SNRPA1: variants seen among roughly 807,000 people sequenced by gnomAD.
The protein encoded by SNRPA1 is small nuclear ribonucleoprotein polypeptide A'.
SNRPA1 carries 5 observed loss-of-function variants against 32.3 expected under a neutral mutation model. The observed-to-expected ratio is 0.15, with a 90% confidence interval of 0.08 to 0.33. The LOEUF is 0.33. SNRPA1 is among the 10% of genes least tolerant of loss of function. The probability of loss-of-function intolerance (pLI) is 1.00; values close to 1 mark genes in which losing one functional copy is unlikely to be tolerated. For missense variants in SNRPA1, 198 were observed against 311.1 expected (o/e 0.64, Z 2.74); for synonymous variants, 111 against 120.1 (o/e 0.92, Z 0.50).
intron 2 of SNRPA1, 115 bp downstream of exon 2, chr15:101,292,910 A>T: frequency 3.6e-6 from 2 of 557,272 alleles, no homozygotes; most frequent in Non-Finnish European, 5.7e-6. Context: ...AAAAAGAAAA[A>T]GAAAAAGAAA....
At position 101,294,959 on chromosome 15, in the gene SNRPA1, G is replaced by C. The variant is rs3784521; in HGVS notation, c.82+138C>G. On this transcript the variant is annotated intron_variant, in intron 1 of 8. Coordinates refer to ENST00000254193, the MANE Select transcript of SNRPA1 (RefSeq NM_003090.4). The stretch of plus-strand genomic sequence containing the variant: ...AACAACGGCAAGAATCAGGCCCGGC[G>C]TTCCCTGCGCAGCCCGGTCGGAGCC... 3,188 of 520,240 alleles carry C rather than the reference G, an allele frequency of 6.1e-3. 197 individuals are homozygous for C. The East Asian group carries it at 0.099, about 16-fold the overall frequency. The allele number at this position is 520,240 out of a possible 1,614,324, so 32.2% of individuals were successfully genotyped here. A position where few individuals can be genotyped will look rare whatever the true frequency, so the allele number is the denominator to read the frequency against.
chr15:101,282,813 C>T (rs1269179101), intron 8 of SNRPA1, among the ~76,000 whole-genome samples: 3 of 152,160 alleles, frequency 2.0e-5, no homozygotes, highest in East Asian at 3.8e-4. Context: ...TGGCAGGTTA[C>T]GGCAGTGGAT....
chr15:101,281,669 T>G lies in SNRPA1; in HGVS notation c.*55A>C. The G allele has an allele frequency of 7.4e-7, 1 of 1,359,212 alleles. No individual in the cohort carries two copies. The highest frequency in any genetic ancestry group is 1.1e-6 in the Non-Finnish European group (1 of 947,414). 84.2% of individuals were successfully genotyped at this position (1,359,212 alleles called of 1,614,324 possible). A position where few individuals can be genotyped will look rare whatever the true frequency, so the allele number is the denominator to read the frequency against. ...CACAAACAAGGCTATTATACCATGT[T>G]CGAAAAGCAAGACTTGTTCCAAGAG... is the stretch of plus-strand genomic sequence containing the variant. On this transcript the variant is annotated 3_prime_UTR_variant, in exon 9 of 9. Transcript: ENST00000254193.
Position 101,281,605 on chromosome 15 carries a change from T to A in SNRPA1, c.*119A>T. ...ATTACAAAATTATCAGCAGCAGTCT[T>A]AAGCATTTCAACAATGCTGATAGAT... On this transcript the variant is annotated 3_prime_UTR_variant, in exon 9 of 9. Coordinates refer to ENST00000254193, the MANE Select transcript of SNRPA1 (RefSeq NM_003090.4). 2 of 727,046 alleles carry A rather than the reference T, an allele frequency of 2.8e-6. No homozygotes were observed. Among genetic ancestry groups the A allele is most frequent in the Non-Finnish European group, 4.9e-6 (2 of 404,112 alleles). 45.0% of individuals were successfully genotyped at this position (727,046 alleles called of 1,614,324 possible).
At chr15:101,289,497 C>T (rs73485381) in intron 3 of SNRPA1, among the ~76,000 whole-genome samples, 3,173 of 152,126 alleles carry the variant, frequency 0.021, 108 homozygotes, top group African/African-American at 0.073. Flanking sequence ...GGAGAGAAAA[C>T]GGATTGAAGA....
Position 101,287,677 on chromosome 15 carries a change from A to G in SNRPA1, c.335T>C (p.Leu112Pro). ...ATACCTTAGGTAAGTCAGCGATTTG[A>G]GAGATGCCAGAGGGTCCAGATCACC... ...ELGDLDPLAS[L>P]KSLTYLSILR... is the part of the protein sequence containing the mutation. The change falls in exon 4 of 9, where the codon CTC becomes CCC. Residue 112 changes from leucine to proline, a missense_variant. Around this residue, in one of 3 missense-constraint regions of SNRPA1, gnomAD observed 119 missense variants for 171.6 expected, o/e 0.69. Coordinates refer to ENST00000254193, the MANE Select transcript of SNRPA1 (RefSeq NM_003090.4). The G allele has an allele frequency of 6.2e-7, 1 of 1,613,908 alleles. No individual in the cohort carries two copies. The highest frequency in any genetic ancestry group is 8.5e-7 in the Non-Finnish European group (1 of 1,179,780).
chr15:101,289,383 T>C (rs909183142), intron 3 of SNRPA1, among the ~76,000 whole-genome samples: 5 of 151,826 alleles, frequency 3.3e-5, no homozygotes, highest in African/African-American at 7.3e-5. Context: ...TTTATAAATA[T>C]GTGTGTTTTA....
intron 8 of SNRPA1, among the ~76,000 whole-genome samples, chr15:101,282,461 GGAA>G (rs1223593731): frequency 6.6e-6 from 1 of 152,188 alleles, no homozygotes; most frequent in Admixed American, 6.5e-5. Flanking sequence ...AGAAAAGGGA[GGAA>G]GATTTTAACA....
At chr15:101,285,896 T>A in intron 6 of SNRPA1, 95 bp from the exon 7 acceptor site, 2 of 890,130 alleles carry the variant, frequency 2.2e-6, no homozygotes, top group Non-Finnish European at 3.6e-6. Context: ...TCAACCAGTG[T>A]AGTATCTTAT....
At chr15:101,290,373 A>G (rs1341491218) in intron 3 of SNRPA1, among the ~76,000 whole-genome samples, 1 of 152,172 alleles carries the variant, frequency 6.6e-6, no homozygotes, top group Non-Finnish European at 1.5e-5. Context: ...TTGCCTATAA[A>G]TATGTATTTC....
intron 8 of SNRPA1, among the ~76,000 whole-genome samples, chr15:101,283,309 G>A (rs756727482): frequency 6.6e-6 from 1 of 152,092 alleles, no homozygotes; most frequent in Non-Finnish European, 1.5e-5. Context: ...AGCACTTTGG[G>A]AGGCCAAGGC....
At chr15:101,289,437 A>T (rs1358246513) in intron 3 of SNRPA1, among the ~76,000 whole-genome samples, 4 of 152,202 alleles carry the variant, frequency 2.6e-5, no homozygotes, top group African/African-American at 9.7e-5. Context: ...GTAATTTCTA[A>T]ACCATCAGAA....
rs773240837 is a variant in SNRPA1 at position 101,285,751 on chromosome 15, G to A, written c.590C>T (p.Ser197Phe). Residue 197 changes from serine to phenylalanine, a missense_variant, in exon 7 of 9, where the codon TCT becomes TTT. Physicochemically the swap from Ser to Phe is radical, Grantham distance 155. Around this residue, in one of 3 missense-constraint regions of SNRPA1, gnomAD observed 77 missense variants for 120.1 expected, o/e 0.64. Coordinates refer to ENST00000254193, the MANE Select transcript of SNRPA1 (RefSeq NM_003090.4). ...LPTDKKKGGPSPGDVEAIKNA... is the reference protein window; with the variant it reads ...LPTDKKKGGPFPGDVEAIKNA... ...CTTGATTGCTTCTACATCCCCTGGA[G>A]ATGGCCCACCTTTCTTTTTGTCAGT... The A allele has an allele frequency of 2.5e-6, 4 of 1,613,774 alleles. No homozygotes were observed. The highest frequency in any genetic ancestry group is 3.4e-6 in the Non-Finnish European group (4 of 1,179,686).
chr15:101,291,714 T>C (rs1005681315), intron 3 of SNRPA1, among the ~76,000 whole-genome samples: 5 of 152,282 alleles, frequency 3.3e-5, no homozygotes, highest in South Asian at 2.1e-4. Flanking sequence ...AAGAAGAAGA[T>C]TGATTCATTG....
At chr15:101,286,177 A>T (rs1410873429) in intron 6 of SNRPA1, 37 bp downstream of exon 6, 1 of 1,538,606 alleles carries the variant, frequency 6.5e-7, no homozygotes, top group South Asian at 1.1e-5. Flanking sequence ...ATGTTTCTGA[A>T]GGTGAAGTAG....
chr15:101,286,635 T>G (rs1030239114), intron 5 of SNRPA1: 1 of 465,726 alleles, frequency 2.1e-6, no homozygotes, highest in African/African-American at 2.0e-5. Context: ...GGAACGTATC[T>G]AGGCAGACAA....
rs1375110306 is a variant in SNRPA1 at position 101,285,024 on chromosome 15, C to T, written c.652G>A (p.Glu218Lys). Residue 218 changes from glutamate (E) to lysine (K), a missense_variant, in exon 8 of 9, where the codon GAG (glutamate) becomes AAG (lysine). By Grantham distance (56) the Glu-to-Lys change is moderately conservative (BLOSUM62 1). Transcript: ENST00000254193. Reference sequence around the variant, plus strand: ...GACTGCAGCAACCCCTTCAGCCTCTCCACTTCAGCCAGAGTTGAAGCATTT... The same window carrying T: ...GACTGCAGCAACCCCTTCAGCCTCTTCACTTCAGCCAGAGTTGAAGCATTT... ...IANASTLAEV[E>K]RLKGLLQSGQ... is the part of the protein sequence containing the mutation. 1.2e-6 allele frequency: 2 copies of T among 1,613,994 alleles called. No individual in the cohort carries two copies. The highest frequency in any genetic ancestry group is 1.1e-5 in the South Asian group (1 of 91,078).
At chr15:101,284,507 C>CTTTT (rs58361573) in intron 8 of SNRPA1, among the ~76,000 whole-genome samples, 91 of 142,704 alleles carry the variant, frequency 6.4e-4, no homozygotes, top group Middle Eastern at 7.4e-3. Context: ...CATGAAATAC[C>CTTTT]TTTTTTTTTT....
intron 7 of SNRPA1, 29 bp downstream of exon 7, chr15:101,285,696 TC>T (rs1413505416): frequency 6.7e-7 from 1 of 1,481,628 alleles, no homozygotes; most frequent in Non-Finnish European, 9.4e-7. Flanking sequence ...CTTAGCTCAT[TC>T]CAGTCCAAGA....
Sources: gnomAD v4.1 joint callset for allele counts (sites outside exome capture counted in the v4.1 genomes callset) on GRCh38, gnomAD v4.1.1 for gene constraint, gnomAD v4.1.1 regional missense constraint, MANE v1.5 for transcripts, NCBI Gene and HGNC (gene_info 2026-07-23, HGNC 2026-07-21) for gene names.